Variants in SPIDR observed in about 807,000 individuals in gnomAD.
SPIDR encodes DNA repair-scaffolding protein.
SPIDR carries 93 observed loss-of-function variants against 104.6 expected under a neutral mutation model. That is an observed-to-expected ratio of 0.89 (90% confidence interval 0.75 to 1.06). The LOEUF (loss-of-function observed/expected upper bound fraction) is 1.06, where lower values mean the gene tolerates loss of function less well. SPIDR is among the 50% of genes least tolerant of loss of function. The pLI is 0.00. For synonymous variants in SPIDR, 431 were observed against 416.9 expected, an observed-to-expected ratio of 1.03 and a Z score of -0.41; for missense variants, 1,154 against 1,111.2, an observed-to-expected ratio of 1.04 and a Z score of -0.55.
chr8:47,527,156 G>A (rs575426782), intron 8 of SPIDR, among the ~76,000 whole-genome samples: 4 of 152,192 alleles, frequency 2.6e-5, no homozygotes, highest in East Asian at 3.9e-4. Flanking sequence ...TGCTTGTATC[G>A]GGGGAAGGGA....
At chr8:47,692,893 G>C (rs2078869266) in intron 11 of SPIDR, among the ~76,000 whole-genome samples, 1 of 152,204 alleles carries the variant, frequency 6.6e-6, no homozygotes, top group African/African-American at 2.4e-5. Flanking sequence ...TCATATGCAA[G>C]TTTCTGTGTG....
intron 10 of SPIDR, among the ~76,000 whole-genome samples, chr8:47,651,748 A>C (rs1454534565): frequency 6.6e-6 from 1 of 152,202 alleles, no homozygotes. Flanking sequence ...ATCACTATAC[A>C]CACCATGGAA....
rs556915463 is a variant in SPIDR at position 47,564,102 on chromosome 8, C to T, written c.1098-31709C>T. Among the ~76,000 whole-genome samples the T allele has an allele frequency of 1.2e-3, 113 of 94,494 alleles. 3 individuals carry two copies. The South Asian group carries it at 0.037, about 31-fold the overall frequency. The allele number at this position is 94,494 out of a possible 152,430, so 62.0% of individuals were successfully genotyped here. On this transcript the variant is annotated intron_variant, in intron 8 of 19. Coordinates refer to ENST00000297423, the MANE Select transcript of SPIDR (RefSeq NM_001080394.4). ...TTTTTTTTTTTTTTTTTTTTTGAGG[C>T]GGAGTCTCGCTCTGTCACCAGGCTG...
At chr8:47,359,104 T>G (rs1343594870) in intron 5 of SPIDR, among the ~76,000 whole-genome samples, 2 of 150,780 alleles carry the variant, frequency 1.3e-5, no homozygotes, top group Non-Finnish European at 3.0e-5. Context: ...AAAAAAAAAG[T>G]TTTTTTTTAC....
At chr8:47,646,341 C>T (rs193242275) in intron 10 of SPIDR, among the ~76,000 whole-genome samples, 1 of 152,288 alleles carries the variant, frequency 6.6e-6, no homozygotes, top group Admixed American at 6.5e-5. Context: ...CCAGAGAGAG[C>T]ACCTTGGCAT....
chr8:47,333,131 G>A (rs1382469837), intron 5 of SPIDR, among the ~76,000 whole-genome samples: 3 of 152,012 alleles, frequency 2.0e-5, no homozygotes, highest in Non-Finnish European at 4.4e-5. Flanking sequence ...TTCCACCTCC[G>A]TATCTTATTC....
intron 10 of SPIDR, among the ~76,000 whole-genome samples, chr8:47,636,513 A>G (rs565275578): frequency 6.6e-6 from 1 of 152,336 alleles, no homozygotes; most frequent in South Asian, 2.1e-4. Flanking sequence ...ATCAAAAGCT[A>G]GACCTTTGCA....
intron 8 of SPIDR, among the ~76,000 whole-genome samples, chr8:47,446,012 G>A (rs1466387769): frequency 5.3e-5 from 8 of 152,214 alleles, no homozygotes; most frequent in African/African-American, 1.4e-4. Context: ...AGAAACTGCA[G>A]CAAATTATCC....
rs1264092678 is a variant in SPIDR, at chr8:47,713,515, G to A, written c.2215G>A (p.Val739Ile). 1 of 1,614,034 alleles carries A rather than the reference G, an allele frequency of 6.2e-7. No homozygotes were observed. Among genetic ancestry groups the A allele is most frequent in the Non-Finnish European group, 8.5e-7 (1 of 1,180,044 alleles). The change falls in exon 16 of 20, where the codon GTC becomes ATC. Residue 739 changes from valine (V) to isoleucine (I), a missense_variant. Transcript: ENST00000297423. The stretch of plus-strand genomic sequence containing the variant: ...TCGGATTGTTTGTGCTGAACGAACT[G>A]TCCTCTTGCTTCAGAAGCCCCTTTT... ...QGRIVCAERT[V>I]LLLQKPLLSV...
At chr8:47,482,457 G>A (rs954982140) in intron 8 of SPIDR, among the ~76,000 whole-genome samples, 6 of 152,148 alleles carry the variant, frequency 3.9e-5, no homozygotes, top group Middle Eastern at 3.4e-3. Context: ...TCATGACTTC[G>A]TCTCCTAGAT....
intron 10 of SPIDR, among the ~76,000 whole-genome samples, chr8:47,664,623 T>C (rs1281440600): frequency 6.6e-6 from 1 of 150,788 alleles, no homozygotes; most frequent in African/African-American, 2.4e-5. Context: ...ATTAAGATAA[T>C]GAGGCTGCGC....
intron 8 of SPIDR, among the ~76,000 whole-genome samples, chr8:47,531,822 T>C (rs1196089077): frequency 6.6e-6 from 1 of 152,220 alleles, no homozygotes; most frequent in Non-Finnish European, 1.5e-5. Context: ...GTCTGCCATT[T>C]ACTGAACCAC....
intron 8 of SPIDR, among the ~76,000 whole-genome samples, chr8:47,595,295 CAGG>C (rs2061519239): frequency 6.6e-6 from 1 of 152,098 alleles, no homozygotes; most frequent in Non-Finnish European, 1.5e-5. Context: ...TGAGAAGAAC[CAGG>C]AGAATTTTGT....
At chr8:47,422,357 A>G (rs1269268728) in intron 7 of SPIDR, among the ~76,000 whole-genome samples, 1 of 151,850 alleles carries the variant, frequency 6.6e-6, no homozygotes, top group African/African-American at 2.4e-5. Context: ...TTGATTTCAG[A>G]CTGCTGTGCT....
intron 8 of SPIDR, among the ~76,000 whole-genome samples, chr8:47,537,368 A>G (rs755387296): frequency 1.3e-5 from 2 of 152,362 alleles, no homozygotes; most frequent in Middle Eastern, 6.8e-3. Flanking sequence ...TCCACACAAT[A>G]GAATATTACT....
intron 10 of SPIDR, chr8:47,653,881 T>A: frequency 1.3e-6 from 1 of 780,410 alleles, no homozygotes; most frequent in Non-Finnish European, 1.6e-6. Context: ...AAACCACTTT[T>A]AATGCAAAGG....
At chr8:47,423,296 CAAA>C (rs34511552) in intron 7 of SPIDR, among the ~76,000 whole-genome samples, 12 of 129,146 alleles carry the variant, frequency 9.3e-5, no homozygotes, top group Non-Finnish European at 8.1e-5. Context: ...GACTCTGTCT[CAAA>C]AAAAAAAAAA....
At chr8:47,395,064 T>A (rs1211643884) in intron 5 of SPIDR, among the ~76,000 whole-genome samples, 1 of 151,906 alleles carries the variant, frequency 6.6e-6, no homozygotes, top group Non-Finnish European at 1.5e-5. Context: ...TTAAAAAGAG[T>A]TTGGCTGGGG....
intron 8 of SPIDR, among the ~76,000 whole-genome samples, chr8:47,507,938 G>C (rs1245508814): frequency 1.3e-5 from 2 of 152,190 alleles, no homozygotes; most frequent in African/African-American, 4.8e-5. Flanking sequence ...GGGCAGAGTT[G>C]CTTGCCTTCC....
Sources: gnomAD v4.1 joint callset for allele counts (sites outside exome capture counted in the v4.1 genomes callset) on GRCh38, gnomAD v4.1.1 for gene constraint, MANE v1.5 for transcripts, NCBI Gene and HGNC (gene_info 2026-07-23, HGNC 2026-07-21) for gene names.